Variants in UGP2 observed in about 807,000 individuals in gnomAD.
UGP2 encodes the protein UDP-glucose pyrophosphorylase 2.
Under a neutral mutation model 49.0 loss-of-function variants are expected in UGP2, and 40 were observed. That is an observed-to-expected ratio of 0.82 (90% confidence interval 0.63 to 1.06). The LOEUF is 1.06. Ranked by LOEUF, UGP2 falls within the 50% of genes least tolerant of loss-of-function variation. The pLI is 0.00. For synonymous variants in UGP2, 225 were observed against 213.0 expected (o/e 1.06, Z -0.49); for missense variants, 460 against 603.5 (o/e 0.76, Z 2.49).
At chr2:63,889,959 A>G in intron 8 of UGP2, 122 bp from the exon 9 acceptor site, 1 of 697,936 alleles carries the variant, frequency 1.4e-6, no homozygotes, top group Admixed American at 2.9e-5. Context: ...TGCTTCCCAC[A>G]GAGGACCTGA....
chr2:63,879,258 A>G (rs1671133107), intron 3 of UGP2, among the ~76,000 whole-genome samples: 1 of 152,176 alleles, frequency 6.6e-6, no homozygotes, highest in African/African-American at 2.4e-5. Flanking sequence ...ATACCTATCT[A>G]ATGTACTGAG....
intron 1 of UGP2, among the ~76,000 whole-genome samples, chr2:63,853,888 AT>A (rs1669203626): frequency 6.6e-6 from 1 of 152,198 alleles, no homozygotes. Flanking sequence ...AAAAAAAGTT[AT>A]TGCCTGTTCT....
intron 8 of UGP2, chr2:63,888,158 G>C (rs376840170): frequency 6.5e-6 from 1 of 155,012 alleles, no homozygotes; most frequent in Admixed American, 6.3e-5. Context: ...GGGAGGTGGC[G>C]GGGTGGTGTT....
chr2:63,887,373 T>G (rs141793147), intron 7 of UGP2, 29 bp from the exon 8 acceptor site: 186 of 1,612,828 alleles, frequency 1.2e-4, no homozygotes, highest in Non-Finnish European at 1.5e-4. Flanking sequence ...AACCTCTGTT[T>G]TCTATTCCCC....
At chr2:63,872,443 C>T (rs1670620665) in intron 3 of UGP2, among the ~76,000 whole-genome samples, 1 of 152,146 alleles carries the variant, frequency 6.6e-6, no homozygotes, top group Non-Finnish European at 1.5e-5. Flanking sequence ...GGGCCAGGCA[C>T]TTTGCTAAGC....
intron 1 of UGP2, among the ~76,000 whole-genome samples, chr2:63,855,213 A>T (rs1669308545): frequency 1.3e-5 from 2 of 152,242 alleles, no homozygotes; most frequent in Admixed American, 1.3e-4. Context: ...AAGTGAAAGA[A>T]TTTATAGTAG....
At chr2:63,849,554 G>C (rs1221727467) in intron 1 of UGP2, among the ~76,000 whole-genome samples, 1 of 152,192 alleles carries the variant, frequency 6.6e-6, no homozygotes, top group Non-Finnish European at 1.5e-5. Flanking sequence ...AGACAACACA[G>C]TGTATAAGGA....
intron 1 of UGP2, among the ~76,000 whole-genome samples, chr2:63,846,471 T>TTATC (rs1255293840): frequency 6.6e-6 from 1 of 152,160 alleles, no homozygotes; most frequent in Non-Finnish European, 1.5e-5. Context: ...AAATGTGCCA[T>TTATC]TATCTATCTA....
chr2:63,855,604 C>T (rs1369625037), intron 1 of UGP2: 4 of 383,066 alleles, frequency 1.0e-5, no homozygotes, highest in African/African-American at 2.2e-5. Flanking sequence ...TGCGGTGGCG[C>T]GATCTCGCCT....
intron 1 of UGP2, among the ~76,000 whole-genome samples, chr2:63,844,444 TTCATGGGTTTTC>T (rs150258387): frequency 0.057 from 8,607 of 152,260 alleles, 337 homozygotes; most frequent in Middle Eastern, 0.11. Flanking sequence ...ACTTTTTTTT[TTCATGGGTTTTC>T]TCAAGCTTTA....
chr2:63,865,240 C>T (rs1670102618), intron 3 of UGP2, among the ~76,000 whole-genome samples: 1 of 152,124 alleles, frequency 6.6e-6, no homozygotes, highest in Non-Finnish European at 1.5e-5. Flanking sequence ...CCCAAATTTT[C>T]CCGTAGAAAA....
intron 3 of UGP2, among the ~76,000 whole-genome samples, chr2:63,876,308 G>C (rs983691828): frequency 2.0e-5 from 3 of 152,092 alleles, no homozygotes; most frequent in Admixed American, 6.5e-5. Context: ...TAGACAGAAA[G>C]TGTCCTGGCT....
Position 63,886,610 on chromosome 2 carries a change from G to A in UGP2, c.1071+72G>A, listed in dbSNP as rs563646200. 103 of 1,524,470 alleles carry A rather than the reference G, an allele frequency of 6.8e-5. No individual in the cohort carries two copies. The African/African-American group carries it at 1.2e-3, about 17-fold the overall frequency. 94.4% of individuals were successfully genotyped at this position (1,524,470 alleles called of 1,614,324 possible). On this transcript the variant is annotated intron_variant, in intron 7 of 9. Transcript: ENST00000337130. ...TAGTAGGCTACACACAGACCCCATC[G>A]CCCACTCCCTCTGTCCCATCTATTC...
chr2:63,886,404 G>C lies in UGP2; in HGVS notation c.937G>C (p.Ala313Pro). Residue 313 changes from alanine (A) to proline (P), a missense_variant, in exon 7 of 10, where the codon GCA (alanine) becomes CCA (proline). This residue lies in a region of UGP2 where 317 missense variants were observed against 473.0 expected (regional missense o/e 0.67). Coordinates refer to ENST00000337130, the MANE Select transcript of UGP2 (RefSeq NM_006759.4). ...RLVEIAQVPK[A>P]HVDEFKSVSK... Reference sequence around the variant, plus strand: ...GGTGGAAATTGCTCAAGTGCCAAAAGCACATGTAGACGAGTTCAAGTCTGT... The same window carrying C: ...GGTGGAAATTGCTCAAGTGCCAAAACCACATGTAGACGAGTTCAAGTCTGT... The C allele has an allele frequency of 1.2e-6, 2 of 1,614,184 alleles. No homozygotes were observed. The highest frequency in any genetic ancestry group is 1.7e-6 in the Non-Finnish European group (2 of 1,180,028).
intron 1 of UGP2, among the ~76,000 whole-genome samples, chr2:63,850,759 A>C (rs1339019016): frequency 1.3e-5 from 2 of 152,184 alleles, no homozygotes; most frequent in African/African-American, 4.8e-5. Flanking sequence ...GTCTATACTT[A>C]TCTTAACTCT....
At chr2:63,886,226 ACT>A (rs923511747) in intron 6 of UGP2, 113 bp from the exon 7 acceptor site, 81 of 1,042,598 alleles carry the variant, frequency 7.8e-5, no homozygotes, top group East Asian at 7.2e-4. Flanking sequence ...ATGAAAATTT[ACT>A]CTGTTTCTAC....
intron 3 of UGP2, among the ~76,000 whole-genome samples, chr2:63,882,219 T>C (rs1671364976): frequency 6.6e-6 from 1 of 152,148 alleles, no homozygotes; most frequent in African/African-American, 2.4e-5. Context: ...GGCCTACAAC[T>C]TTTTCCCCCT....
chr2:63,856,465 C>G (rs752568650), intron 2 of UGP2, 32 bp downstream of exon 2: 32 of 1,590,208 alleles, frequency 2.0e-5, no homozygotes, highest in Admixed American at 5.2e-5. Context: ...TCCACCCCCC[C>G]GCCCCTCCCT....
intron 6 of UGP2, 23 bp from the exon 7 acceptor site, chr2:63,886,318 C>G (rs1239624331): frequency 1.9e-6 from 3 of 1,610,624 alleles, no homozygotes; most frequent in South Asian, 2.2e-5. Flanking sequence ...TGTGGAGGCA[C>G]TCACTATTTT....
Sources: allele counts gnomAD v4.1 joint callset (sites outside exome capture counted in the v4.1 genomes callset), GRCh38; gene constraint gnomAD v4.1.1; regional missense constraint gnomAD v4.1.1; transcripts MANE v1.5; gene names NCBI Gene and HGNC (gene_info 2026-07-23, HGNC 2026-07-21).